Variants in CCNJ observed in about 807,000 individuals in gnomAD.
CCNJ encodes cyclin-J.
CCNJ carries 12 observed loss-of-function variants against 41.4 expected under a neutral mutation model. The observed-to-expected ratio is 0.29, with a 90% CI of 0.19 to 0.47. The LOEUF (loss-of-function observed/expected upper bound fraction) is 0.47, where lower values mean the gene tolerates loss of function less well. CCNJ is among the 20% of genes least tolerant of loss of function. The pLI, the probability that CCNJ is intolerant of heterozygous loss-of-function variation, is 1.00. For synonymous variants in CCNJ, 161 were observed against 173.4 expected, an observed-to-expected ratio of 0.93 and a Z score of 0.56; for missense variants, 340 against 464.6, an observed-to-expected ratio of 0.73 and a Z score of 2.47.
rs757631367 is a variant in CCNJ at position 96,044,499 on chromosome 10, T to G, written c.69+37T>G. 4 of 1,423,318 alleles carry G rather than the reference T, an allele frequency of 2.8e-6. No individual in the cohort carries two copies. In the South Asian group the frequency reaches 6.0e-5, roughly 21 times the overall value. 88.2% of individuals were successfully genotyped at this position (1,423,318 alleles called of 1,614,324 possible). ...GCCCGGCCTGCCTTCTCCTTCTGTG[T>G]GTCGCGCCAGTTGTTCTGAATCTCG... On this transcript the variant is annotated intron_variant, in intron 2 of 5. Coordinates refer to ENST00000465148, the MANE Select transcript of CCNJ (RefSeq NM_001134375.2).
chr10:96,047,765 A>C (rs1449824682), intron 2 of CCNJ, among the ~76,000 whole-genome samples: 1 of 152,220 alleles, frequency 6.6e-6, no homozygotes, highest in Non-Finnish European at 1.5e-5. Flanking sequence ...AAAATGTATC[A>C]ACATAAAACT....
chr10:96,046,385 T>G (rs1237327308), intron 2 of CCNJ, among the ~76,000 whole-genome samples: 1 of 152,204 alleles, frequency 6.6e-6, no homozygotes, highest in Non-Finnish European at 1.5e-5. Flanking sequence ...GACCACTGTT[T>G]GTAATACACT....
At chr10:96,050,222 T>G in intron 2 of CCNJ, 34 bp from the exon 3 acceptor site, 1 of 1,412,428 alleles carries the variant, frequency 7.1e-7, no homozygotes. Context: ...CGCCTACAGA[T>G]AGGTCAGACT....
intron 2 of CCNJ, 60 bp downstream of exon 2, chr10:96,044,522 T>A (rs2080307152): frequency 2.2e-6 from 3 of 1,336,908 alleles, no homozygotes. Context: ...GTTCTGAATC[T>A]CGGCTCTCTA....
In CCNJ at chr10:96,058,130, G is replaced by A. The variant is rs2080744761; in HGVS notation, c.1041G>A (p.Gly347=). Residue 347 remains glycine, a synonymous_variant, in exon 6 of 6, where the codon GGG becomes GGA. Coordinates refer to ENST00000465148, the MANE Select transcript of CCNJ (RefSeq NM_001134375.2). ...TTGGGCACATGCAGACTGGTGTTGG[G>A]ATGTCACTGGCAATACCAGTAGAAG... ...QGLGHMQTGV[G]MSLAIPVEVK... 3 of 1,614,126 alleles carry A rather than the reference G, an allele frequency of 1.9e-6. No individual in the cohort carries two copies. Among genetic ancestry groups the A allele is most frequent in the Non-Finnish European group, 2.5e-6 (3 of 1,179,968 alleles).
intron 3 of CCNJ, 126 bp downstream of exon 3, chr10:96,050,592 T>A: frequency 1.4e-6 from 1 of 716,908 alleles, no homozygotes; most frequent in Non-Finnish European, 2.3e-6. Flanking sequence ...TCAAGAAGCT[T>A]ATGTTAAAAG....
chr10:96,056,966 A>G lies in CCNJ; in HGVS notation c.546A>G (p.Lys182=), dbSNP rs569953701. The G allele has an allele frequency of 1.2e-5, 20 of 1,614,078 alleles. 1 individual carries two copies. In the South Asian group the frequency reaches 2.2e-4, roughly 18 times the overall value. The change falls in exon 4 of 6, where the codon AAA becomes AAG. Residue 182 remains lysine (K), a synonymous_variant. Coordinates refer to ENST00000465148, the MANE Select transcript of CCNJ (RefSeq NM_001134375.2). ...CLEKTKLYMA[K]YADYFLEVSL... is the part of the protein sequence containing the mutation. ...AAAAGACTAAACTCTACATGGCCAA[A>G]TATGCAGATTACTTCCTGGAAGTAT...
Position 96,058,700 on chromosome 10 carries a change from A to G in CCNJ, c.*459A>G. 7.6e-6 allele frequency: 3 copies of G among 395,268 alleles called. No individual in the cohort carries two copies. The highest frequency in any genetic ancestry group is 1.3e-5 in the Non-Finnish European group (3 of 224,362). The allele number at this position is 395,268 out of a possible 1,614,324, so 24.5% of individuals were successfully genotyped here. A position where few individuals can be genotyped will look rare whatever the true frequency, so the allele number is the denominator to read the frequency against. ...TTTGAAAAGGTTTTTTTTATTCTGC[A>G]ATTTTTTATTTTTGTTCTACACATG... On this transcript the variant is annotated 3_prime_UTR_variant, in exon 6 of 6. Transcript: ENST00000465148.
In CCNJ at chr10:96,058,813, C is replaced by T. The variant is rs1017949876; in HGVS notation, c.*572C>T. 19 of 250,550 alleles carry T rather than the reference C, an allele frequency of 7.6e-5. No homozygotes were observed. The highest frequency in any genetic ancestry group is 5.5e-4 in the Admixed American group (10 of 18,348). 15.5% of individuals were successfully genotyped at this position (250,550 alleles called of 1,614,324 possible). On this transcript the variant is annotated 3_prime_UTR_variant, in exon 6 of 6. Transcript: ENST00000465148. ...TTTTTTAGATGATTCTATATAACTT[C>T]GTCTCACAAATAGTGTAGGTATCTG...
chr10:96,058,043 A>G lies in CCNJ; in HGVS notation c.954A>G (p.Thr318=). The G allele has an allele frequency of 1.2e-6, 2 of 1,614,152 alleles. No individual in the cohort carries two copies. The highest frequency in any genetic ancestry group is 2.2e-5 in the South Asian group (2 of 91,082). The change falls in exon 6 of 6, where the codon ACA becomes ACG. Residue 318 remains threonine, a synonymous_variant. Coordinates refer to ENST00000465148, the MANE Select transcript of CCNJ (RefSeq NM_001134375.2). ...QPSCQQIVST[T]HTSSYTLQTC... ...GCTGTCAGCAGATTGTATCGACCAC[A>G]CACACCTCATCTTACACACTACAGA...
intron 2 of CCNJ, 65 bp downstream of exon 2, chr10:96,044,527 T>G: frequency 7.7e-7 from 1 of 1,297,988 alleles, no homozygotes; most frequent in Non-Finnish European, 1.0e-6. Flanking sequence ...GAATCTCGGC[T>G]CTCTAGAAGG....
chr10:96,051,060 A>C (rs2080508205), intron 3 of CCNJ, among the ~76,000 whole-genome samples: 1 of 152,228 alleles, frequency 6.6e-6, no homozygotes, highest in Non-Finnish European at 1.5e-5. Flanking sequence ...CTTATATTAG[A>C]ATACTTTCTA....
chr10:96,058,534 C>T lies in CCNJ; in HGVS notation c.*293C>T. Reference sequence around the variant, plus strand: ...TATTCAGTACAACAGAAAATTTGGACAGACTTCAATTTGCCATTTTGAGAT... The same window carrying T: ...TATTCAGTACAACAGAAAATTTGGATAGACTTCAATTTGCCATTTTGAGAT... On this transcript the variant is annotated 3_prime_UTR_variant, in exon 6 of 6. Coordinates refer to ENST00000465148, the MANE Select transcript of CCNJ (RefSeq NM_001134375.2). The T allele has an allele frequency of 1.3e-5, 6 of 467,776 alleles. No individual in the cohort carries two copies. Among genetic ancestry groups the T allele is most frequent in the Middle Eastern group, 5.4e-4 (1 of 1,850 alleles). The allele number at this position is 467,776 out of a possible 1,614,324, so 29.0% of individuals were successfully genotyped here.
intron 3 of CCNJ, among the ~76,000 whole-genome samples, chr10:96,055,251 C>T (rs2080649472): frequency 6.6e-6 from 1 of 152,222 alleles, no homozygotes; most frequent in Admixed American, 6.5e-5. Flanking sequence ...TAAGGAAGTT[C>T]ACCTCTCTGC....
chr10:96,049,475 CTTTTTCTTTTTTT>C (rs995085499), intron 2 of CCNJ, among the ~76,000 whole-genome samples: 9 of 112,660 alleles, frequency 8.0e-5, no homozygotes, highest in East Asian at 2.7e-4. Context: ...TTTTCTTTTT[CTTTTTCTTTTTTT>C]TTTTTTTTTT....
At chr10:96,051,282 G>A (rs183103196) in intron 3 of CCNJ, among the ~76,000 whole-genome samples, 4 of 151,882 alleles carry the variant, frequency 2.6e-5, no homozygotes, top group East Asian at 1.9e-4. Context: ...TTCATTGCTC[G>A]TTGGTACTCT....
At position 96,057,878 on chromosome 10, in the gene CCNJ, A is replaced by C. The variant is rs1232260908; in HGVS notation, c.789A>C (p.Ala263=). ...AAGCAAACAAACAGAGAGGGCAAGC[A>C]GGACCTCAGTCAGCGCAACTAAGTG... is the stretch of plus-strand genomic sequence containing the variant. ...VKEANKQRGQ[A]GPQSAQLSVF... Residue 263 remains alanine (A), a synonymous_variant, in exon 6 of 6, where the codon GCA becomes GCC. Transcript: ENST00000465148. 1.2e-6 allele frequency: 2 copies of C among 1,614,194 alleles called. No individual in the cohort carries two copies. Among genetic ancestry groups the C allele is most frequent in the Non-Finnish European group, 1.7e-6 (2 of 1,180,024 alleles).
Position 96,059,081 on chromosome 10 carries a change from A to C in CCNJ, c.*840A>C, listed in dbSNP as rs997960372. Reference sequence around the variant, plus strand: ...TGCTAGGGTGTGTTTTCAAATGAGAACATAATATAGCTCAGAATGAAGTGG... The same window carrying C: ...TGCTAGGGTGTGTTTTCAAATGAGACCATAATATAGCTCAGAATGAAGTGG... On this transcript the variant is annotated 3_prime_UTR_variant, in exon 6 of 6. Transcript: ENST00000465148. The C allele has an allele frequency of 3.3e-5, 5 of 152,650 alleles. No individual in the cohort carries two copies. The highest frequency in any genetic ancestry group is 7.2e-5 in the African/African-American group (3 of 41,452). The allele number at this position is 152,650 out of a possible 1,614,324, so 9.5% of individuals were successfully genotyped here.
chr10:96,044,425 A>T lies in CCNJ; in HGVS notation c.32A>T (p.Gln11Leu). 1 of 1,563,398 alleles carries T rather than the reference A, an allele frequency of 6.4e-7. No homozygotes were observed. The highest frequency in any genetic ancestry group is 8.7e-7 in the Non-Finnish European group (1 of 1,150,274). Residue 11 changes from glutamine (Q) to leucine (L), a missense_variant, in exon 2 of 6, where the codon CAG becomes CTG. Transcript: ENST00000465148. ...CTGGAGGGGCAGTGGTGGCGAGGACAGCTGGCCGCCGATATTCACCAAGCG... is the reference window on the plus strand; with the variant it reads ...CTGGAGGGGCAGTGGTGGCGAGGACTGCTGGCCGCCGATATTCACCAAGCG... Reference protein sequence around the residue: MELEGQWWRGQLAADIHQALR... With the variant: MELEGQWWRGLLAADIHQALR...
Sources: gnomAD v4.1 joint callset for allele counts (sites outside exome capture counted in the v4.1 genomes callset) on GRCh38, gnomAD v4.1.1 for gene constraint, MANE v1.5 for transcripts, NCBI Gene and HGNC (gene_info 2026-07-23, HGNC 2026-07-21) for gene names.